The following RHNO1 variants were observed in gnomAD, a reference collection of about 807,000 sequenced individuals.
The protein encoded by RHNO1 is RAD9, HUS1, RAD1-interacting nuclear orphan protein 1.
Under a neutral mutation model 7.2 loss-of-function variants are expected in RHNO1, and 9 were observed. That is an observed-to-expected ratio of 1.25 (90% CI 0.75 to 2.18). The LOEUF (loss-of-function observed/expected upper bound fraction) is 2.18. Among genes scored for constraint, RHNO1 ranks in the 30% most tolerant of loss-of-function variants. The pLI is 0.00. For synonymous variants in RHNO1, 95 were observed against 107.5 expected, an observed-to-expected ratio of 0.88 and a Z score of 0.72; for missense variants, 292 against 284.5, an observed-to-expected ratio of 1.03 and a Z score of -0.19.
rs183763588 is a variant in RHNO1, at chr12:2,877,259, T to G, written c.-108T>G. On this transcript the variant is annotated 5_prime_UTR_variant, in exon 1 of 3. Coordinates refer to ENST00000489288, the MANE Select transcript of RHNO1 (RefSeq NM_001252499.3). ...GAAGGCTGTGCGGTCTGCCAGGAGC[T>G]GCGGCCCCGTCCGGCCCGGGCTGGT... 6.6e-6 allele frequency: 1 copy of G among 152,166 alleles called. No homozygotes were observed. Among genetic ancestry groups the G allele is most frequent in the African/African-American group, 2.4e-5 (1 of 41,426 alleles). The allele number at this position is 152,166 out of a possible 1,614,324, so 9.4% of individuals were successfully genotyped here.
At position 2,888,120 on chromosome 12, in the gene RHNO1, A is replaced by T. The variant is rs1373344157; in HGVS notation, c.378A>T (p.Arg126Ser). 8 of 1,613,636 alleles carry T rather than the reference A, an allele frequency of 5.0e-6. No homozygotes were observed. Among genetic ancestry groups the T allele is most frequent in the African/African-American group, 1.3e-5 (1 of 74,930 alleles). ...AATCAGAAAAGGATGTTTCCAGAAGACCCTTAGTTCCAGTGCTCAGTCCCC... is the reference window on the plus strand; with the variant it reads ...AATCAGAAAAGGATGTTTCCAGAAGTCCCTTAGTTCCAGTGCTCAGTCCCC... Reference protein sequence around the residue: ...PSESEKDVSRRPLVPVLSPQS... With the variant: ...PSESEKDVSRSPLVPVLSPQS... Residue 126 changes from arginine (R) to serine (S), a missense_variant, in exon 3 of 3, where the codon AGA becomes AGT. Transcript: ENST00000489288.
chr12:2,880,694 C>T (rs981092496), intron 1 of RHNO1, among the ~76,000 whole-genome samples: 3 of 152,044 alleles, frequency 2.0e-5, no homozygotes, highest in Non-Finnish European at 4.4e-5. Flanking sequence ...AGTGCAGTGG[C>T]ACGATCATAG....
intron 1 of RHNO1, chr12:2,877,948 AGGC>A (rs1418196619): frequency 1.3e-5 from 2 of 152,274 alleles, no homozygotes; most frequent in Non-Finnish European, 2.9e-5. Flanking sequence ...TAGGAGGCCG[AGGC>A]GGGTGGATCA....
intron 2 of RHNO1, 143 bp downstream of exon 2, chr12:2,885,677 C>T: frequency 1.5e-6 from 1 of 676,920 alleles, no homozygotes; most frequent in Non-Finnish European, 2.3e-6. Context: ...TGGGTTCACA[C>T]CATTCTCCTG....
chr12:2,879,877 A>G (rs2098155183), intron 1 of RHNO1, among the ~76,000 whole-genome samples: 4 of 152,064 alleles, frequency 2.6e-5, no homozygotes, highest in Admixed American at 2.6e-4. Flanking sequence ...ACCTCTAATT[A>G]GAGCAGAAAG....
chr12:2,887,955 C>T lies in RHNO1; in HGVS notation c.213C>T (p.Ala71=). 7 of 1,611,612 alleles carry T rather than the reference C, an allele frequency of 4.3e-6. No individual in the cohort carries two copies. Among genetic ancestry groups the T allele is most frequent in the South Asian group, 1.1e-5 (1 of 90,824 alleles). ...CAGCAGCAGGAAGCTTGTTCCCAGCCTACCAGAAACACCAAAACCGGGCGA... is the reference window on the plus strand; with the variant it reads ...CAGCAGCAGGAAGCTTGTTCCCAGCTTACCAGAAACACCAAAACCGGGCGA... ...FDTAAGSLFP[A]YQKHQNRARH... Residue 71 remains alanine, a synonymous_variant, in exon 3 of 3, where the codon GCC becomes GCT. Transcript: ENST00000489288.
chr12:2,885,060 C>T, intron 1 of RHNO1: 1 of 298,164 alleles, frequency 3.4e-6, no homozygotes, highest in Non-Finnish European at 6.2e-6. Context: ...GGTTATTCAT[C>T]TTTAAATTCC....
intron 1 of RHNO1, among the ~76,000 whole-genome samples, chr12:2,882,406 G>A (rs1268093657): frequency 6.6e-6 from 1 of 151,120 alleles, no homozygotes; most frequent in African/African-American, 2.4e-5. Flanking sequence ...CAGTTAGAAG[G>A]CTACCAGAGG....
At chr12:2,886,899 T>C (rs1161916449) in intron 2 of RHNO1, 1 of 449,918 alleles carries the variant, frequency 2.2e-6, no homozygotes, top group Admixed American at 2.4e-5. Flanking sequence ...ATATTCATTA[T>C]ATGCCAGGTC....
Position 2,882,846 on chromosome 12 carries a change from G to A in RHNO1, c.-84-2437G>A, listed in dbSNP as rs186940860. Among the ~76,000 whole-genome samples the A allele has an allele frequency of 4.3e-3, 650 of 152,256 alleles. 9 individuals carry two copies. The highest frequency in any genetic ancestry group is 0.014 in the African/African-American group (599 of 41,530). ...AAGGCTAAGGAGGGAAGGATTGGTT[G>A]AGCCCAGGAATTTGAGACCAGCCTA... On this transcript the variant is annotated intron_variant, in intron 1 of 2. Coordinates refer to ENST00000489288, the MANE Select transcript of RHNO1 (RefSeq NM_001252499.3).
chr12:2,880,903 T>C (rs2098156706), intron 1 of RHNO1, among the ~76,000 whole-genome samples: 1 of 151,676 alleles, frequency 6.6e-6, no homozygotes, highest in South Asian at 2.1e-4. Flanking sequence ...CCTCCTAAAG[T>C]TCTGGGATTA....
intron 1 of RHNO1, among the ~76,000 whole-genome samples, chr12:2,877,661 A>G (rs1333208729): frequency 1.3e-5 from 2 of 152,152 alleles, no homozygotes; most frequent in Middle Eastern, 3.2e-3. Context: ...CGGCACCATG[A>G]ACCCTACCTC....
rs1447186824 is a variant in RHNO1, at chr12:2,889,507, C to CCATTGATTTAG, written c.*1052_*1053insGATTTAGCATT. The CCATTGATTTAG allele has an allele frequency of 4.6e-5, 7 of 152,248 alleles. No homozygotes were observed. Among genetic ancestry groups the CCATTGATTTAG allele is most frequent in the African/African-American group, 1.7e-4 (7 of 41,534 alleles). The allele number at this position is 152,248 out of a possible 1,614,324, so 9.4% of individuals were successfully genotyped here. A position where few individuals can be genotyped will look rare whatever the true frequency, so the allele number is the denominator to read the frequency against. On this transcript the variant is annotated 3_prime_UTR_variant, in exon 3 of 3. Transcript: ENST00000489288. ...TCAGACAAGTAGCATCTCATTAAAC[C>CCATTGATTTAG]CATTCATTTAGCATTCATTCAGCTG...
chr12:2,888,272 A>C lies in RHNO1; in HGVS notation c.530A>C (p.Asn177Thr), dbSNP rs764148025. The change falls in exon 3 of 3, where the codon AAC becomes ACC. Residue 177 changes from asparagine (N) to threonine (T), a missense_variant. By Grantham distance (65) the Asn-to-Thr change is moderately conservative. Coordinates refer to ENST00000489288, the MANE Select transcript of RHNO1 (RefSeq NM_001252499.3). ...CTCATTCCCCAAGATCAGAAGGAAA[A>C]CAGCCTTCTAAGCTGCACTCTTCAC... is the stretch of plus-strand genomic sequence containing the variant. ...EELIPQDQKE[N>T]SLLSCTLHTG... is the part of the protein sequence containing the mutation. 1.9e-6 allele frequency: 3 copies of C among 1,614,146 alleles called. No individual in the cohort carries two copies.
At chr12:2,876,669 A>G (rs899125896), upstream of RHNO1, among the ~76,000 whole-genome samples, 1 of 152,084 alleles carries the variant, frequency 6.6e-6, no homozygotes, top group Non-Finnish European at 1.5e-5. Context: ...AGCCCTCCCG[A>G]GGCCGCGGGC....
At chr12:2,884,383 C>T (rs533807888) in intron 1 of RHNO1, among the ~76,000 whole-genome samples, 6 of 152,218 alleles carry the variant, frequency 3.9e-5, no homozygotes, top group African/African-American at 1.4e-4. Flanking sequence ...TGTGCCACCA[C>T]GCCCAGCTAG....
chr12:2,882,396 C>G (rs921063777), intron 1 of RHNO1, among the ~76,000 whole-genome samples: 1 of 151,248 alleles, frequency 6.6e-6, no homozygotes, highest in African/African-American at 2.4e-5. Context: ...GCAGGGAACT[C>G]AGTTAGAAGG....
intron 2 of RHNO1, among the ~76,000 whole-genome samples, chr12:2,887,478 CAAAAAAA>C (rs11310263): frequency 3.4e-5 from 3 of 89,096 alleles, no homozygotes; most frequent in Non-Finnish European, 6.9e-5. Context: ...ACTCTGTCTC[CAAAAAAA>C]AAAAAAAAAA....
intron 2 of RHNO1, among the ~76,000 whole-genome samples, chr12:2,886,655 C>CAAAAAAAAA (rs11441422): frequency 3.1e-5 from 3 of 95,356 alleles, no homozygotes; most frequent in Non-Finnish European, 6.4e-5. Context: ...GACCCTGTCT[C>CAAAAAAAAA]AAAAAAAAAA....
Sources: gnomAD v4.1 joint callset for allele counts (sites outside exome capture counted in the v4.1 genomes callset) on GRCh38, gnomAD v4.1.1 for gene constraint, MANE v1.5 for transcripts, NCBI Gene and HGNC (gene_info 2026-07-23, HGNC 2026-07-21) for gene names.